The following ARHGAP21 variants were observed in gnomAD, a reference collection of about 807,000 sequenced individuals.
ARHGAP21 encodes the protein rho GTPase-activating protein 21.
Under a neutral mutation model 164.6 loss-of-function variants are expected in ARHGAP21, and 38 were observed. That is an observed-to-expected ratio of 0.23 (90% CI 0.18 to 0.30). ARHGAP21 has a LOEUF of 0.30. ARHGAP21 is among the 10% of genes least tolerant of loss of function. ARHGAP21 has a pLI of 1.00. For synonymous variants in ARHGAP21, 766 were observed against 857.9 expected (o/e 0.89, Z 1.87); for missense variants, 1,822 against 2,370.7 (o/e 0.77, Z 4.81).
intron 2 of ARHGAP21, among the ~76,000 whole-genome samples, chr10:24,714,641 A>T (rs893577104): frequency 6.6e-6 from 1 of 152,244 alleles, no homozygotes; most frequent in African/African-American, 2.4e-5. Flanking sequence ...ATTCAGGTGT[A>T]TGAAGAAACA....
intron 4 of ARHGAP21, among the ~76,000 whole-genome samples, chr10:24,636,178 G>C (rs1836364148): frequency 6.6e-6 from 1 of 152,180 alleles, no homozygotes; most frequent in Admixed American, 6.5e-5. Context: ...ATTAAATTTT[G>C]AGAACAACTA....
chr10:24,666,672 C>A (rs565489814), intron 4 of ARHGAP21, among the ~76,000 whole-genome samples: 2 of 152,252 alleles, frequency 1.3e-5, no homozygotes, highest in South Asian at 2.1e-4. Flanking sequence ...AAAATAATCA[C>A]CTCATCTAGA....
chr10:24,695,050 C>CAAAAAAAAAAAAAAAAAAAAAAAAAAA (rs570457905), intron 2 of ARHGAP21, among the ~76,000 whole-genome samples: 3 of 78,504 alleles, frequency 3.8e-5, no homozygotes, highest in Non-Finnish European at 7.1e-5. Flanking sequence ...AATTCCATCT[C>CAAAAAAAAAAAAAAAAAAAAAAAAAAA]AAAAAAAAAA....
intron 4 of ARHGAP21, among the ~76,000 whole-genome samples, chr10:24,666,312 G>A (rs1244116886): frequency 2.0e-5 from 3 of 152,196 alleles, no homozygotes; most frequent in Admixed American, 6.5e-5. Context: ...TTACAGGCGT[G>A]AGCGACTGCG....
In ARHGAP21 at chr10:24,667,010, C is replaced by T; in HGVS notation, c.244-1G>A. On this transcript the variant is annotated splice_acceptor_variant, in intron 3 of 25. Coordinates refer to ENST00000396432, the MANE Select transcript of ARHGAP21 (RefSeq NM_020824.4). LOFTEE classifies it high-confidence loss of function. ...CTCCTCTGTTTCCATTTTCTTCATC[C>T]TACAAATGAAAATATATATATACAT... 7.2e-7 allele frequency: 1 copy of T among 1,389,168 alleles called. No homozygotes were observed. Among genetic ancestry groups the T allele is most frequent in the Non-Finnish European group, 9.9e-7 (1 of 1,007,948 alleles). 86.1% of individuals were successfully genotyped at this position (1,389,168 alleles called of 1,614,324 possible).
In ARHGAP21 at chr10:24,620,713, C is replaced by A; in HGVS notation, c.1182G>T (p.Glu394Asp). 1 of 1,614,200 alleles carries A rather than the reference C, an allele frequency of 6.2e-7. No individual in the cohort carries two copies. The highest frequency in any genetic ancestry group is 1.1e-5 in the South Asian group (1 of 91,090). Residue 394 changes from glutamate to aspartate, a missense_variant, in exon 9 of 26, where the codon GAG becomes GAT. By Grantham distance (45) the Glu-to-Asp change is conservative. This residue lies in a region of ARHGAP21 where 1,090 missense variants were observed against 1,378.9 expected (regional missense o/e 0.79). Coordinates refer to ENST00000396432, the MANE Select transcript of ARHGAP21 (RefSeq NM_020824.4). The stretch of plus-strand genomic sequence containing the variant: ...TGTGCAATCGTCTGTTATCAATATA[C>A]TCTTTGTAAGTTTTATAGTTTTTCC... ...IDWKNYKTYK[E>D]YIDNRRLHIG...
intron 7 of ARHGAP21, 50 bp from the exon 8 acceptor site, chr10:24,622,812 C>A: frequency 6.4e-7 from 1 of 1,560,562 alleles, no homozygotes; most frequent in Non-Finnish European, 8.7e-7. Context: ...GATATAAAGA[C>A]AAAATCATGT....
At chr10:24,673,214 T>G (rs1332610709) in intron 2 of ARHGAP21, among the ~76,000 whole-genome samples, 1 of 152,202 alleles carries the variant, frequency 6.6e-6, no homozygotes, top group East Asian at 1.9e-4. Flanking sequence ...CACTTTATAA[T>G]GCAAAGAACC....
chr10:24,605,960 T>A (rs1286491826), intron 11 of ARHGAP21, among the ~76,000 whole-genome samples: 1 of 152,094 alleles, frequency 6.6e-6, no homozygotes, highest in East Asian at 1.9e-4. Context: ...TAAATACATA[T>A]GACTTAGTAT....
At position 24,585,475 on chromosome 10, in the gene ARHGAP21, C is replaced by T. The variant is rs1479787076; in HGVS notation, c.4814G>A (p.Ser1605Asn). The change falls in exon 26 of 26, where the codon AGC becomes AAC. Residue 1605 changes from serine to asparagine, a missense_variant. Physicochemically the swap from Ser to Asn is conservative, Grantham distance 46 (BLOSUM62 1). Transcript: ENST00000396432. ...CTCTGCCACGGATTGCACCTCAGGGCTCAGTCGACTGGAGTCCAGGCTAGT... is the reference window on the plus strand; with the variant it reads ...CTCTGCCACGGATTGCACCTCAGGGTTCAGTCGACTGGAGTCCAGGCTAGT... ...YLTSLDSSRLSPEVQSVAESK... is the reference protein window; with the variant it reads ...YLTSLDSSRLNPEVQSVAESK... 4.3e-6 allele frequency: 7 copies of T among 1,614,000 alleles called. No individual in the cohort carries two copies. The highest frequency in any genetic ancestry group is 1.7e-5 in the Admixed American group (1 of 60,004).
At chr10:24,635,233 G>A (rs761849133) in intron 4 of ARHGAP21, 130 bp from the exon 5 acceptor site, 38 of 545,252 alleles carry the variant, frequency 7.0e-5, no homozygotes, top group Admixed American at 1.5e-4. Flanking sequence ...CCTGAATTTG[G>A]ATGCTAAAAT....
At chr10:24,659,759 C>T (rs1421160652) in intron 4 of ARHGAP21, among the ~76,000 whole-genome samples, 1 of 152,226 alleles carries the variant, frequency 6.6e-6, no homozygotes, top group Non-Finnish European at 1.5e-5. Context: ...CTGCCTTGGC[C>T]TCCCAAAGTG....
At position 24,622,013 on chromosome 10, in the gene ARHGAP21, G is replaced by A. The variant is rs146181728; in HGVS notation, c.526-644C>T. On this transcript the variant is annotated intron_variant, in intron 8 of 25. Coordinates refer to ENST00000396432, the MANE Select transcript of ARHGAP21 (RefSeq NM_020824.4). ...AAAACATGAAAAAAGGTAACTCATC[G>A]TTCTGTATATAATTTATATTTTTAT... 8.9e-3 allele frequency among the ~76,000 whole-genome samples: 1,360 copies of A among 152,098 alleles called. 16 individuals carry two copies. Among genetic ancestry groups the A allele is most frequent in the African/African-American group, 0.031 (1,272 of 41,506 alleles).
At position 24,620,810 on chromosome 10, in the gene ARHGAP21, C is replaced by T. The variant is rs766665526; in HGVS notation, c.1085G>A (p.Arg362Lys). 2 of 1,614,148 alleles carry T rather than the reference C, an allele frequency of 1.2e-6. No homozygotes were observed. Among genetic ancestry groups the T allele is most frequent in the Admixed American group, 3.3e-5 (2 of 60,026 alleles). The change falls in exon 9 of 26, where the codon AGA becomes AAA. Residue 362 changes from arginine (R) to lysine (K), a missense_variant. Around this residue, in one of 5 missense-constraint regions of ARHGAP21, gnomAD observed 1,090 missense variants for 1,378.9 expected, o/e 0.79. Coordinates refer to ENST00000396432, the MANE Select transcript of ARHGAP21 (RefSeq NM_020824.4). ...AGAGGGAGCCTCCACAGCTTGAGAT[C>T]TGCTGCTTGAGATTCCATCAGAATG... Reference protein sequence around the residue: ...SGHSDGISSSRSQAVEAPSVS... With the variant: ...SGHSDGISSSKSQAVEAPSVS...
intron 4 of ARHGAP21, chr10:24,648,966 A>T: frequency 1.6e-6 from 1 of 611,826 alleles, no homozygotes; most frequent in Non-Finnish European, 2.0e-6. Flanking sequence ...ATATTTTGAA[A>T]TTAACTTGTT....
chr10:24,630,065 T>C lies in ARHGAP21; in HGVS notation c.441-15A>G, dbSNP rs1460543799. 6.9e-7 allele frequency: 1 copy of C among 1,445,966 alleles called. No individual in the cohort carries two copies. The allele number at this position is 1,445,966 out of a possible 1,614,324, so 89.6% of individuals were successfully genotyped here. A position where few individuals can be genotyped will look rare whatever the true frequency, so the allele number is the denominator to read the frequency against. On this transcript the variant is annotated splice_polypyrimidine_tract_variant and intron_variant, in intron 6 of 25. Transcript: ENST00000396432. ...ATGTTGTATCACTGAAATTGAATTATATACTATTTTAGGAGAGGTAGAAGT... is the reference window on the plus strand; with the variant it reads ...ATGTTGTATCACTGAAATTGAATTACATACTATTTTAGGAGAGGTAGAAGT...
chr10:24,671,779 G>A (rs1217536559), intron 2 of ARHGAP21, among the ~76,000 whole-genome samples: 1 of 148,826 alleles, frequency 6.7e-6, no homozygotes, highest in Non-Finnish European at 1.5e-5. Context: ...CTGGAGTGCA[G>A]TGCCATGATC....
intron 9 of ARHGAP21, among the ~76,000 whole-genome samples, chr10:24,608,889 ATTC>A (rs2077142694): frequency 6.6e-6 from 1 of 151,796 alleles, no homozygotes; most frequent in African/African-American, 2.4e-5. Flanking sequence ...GAATGCAGTA[ATTC>A]TTTTTCCAAA....
intron 14 of ARHGAP21, 55 bp downstream of exon 14, chr10:24,600,591 G>A: frequency 6.4e-7 from 1 of 1,557,088 alleles, no homozygotes; most frequent in Non-Finnish European, 8.7e-7. Context: ...TTAGATCTTT[G>A]TAAGAAAGTG....
Sources: allele counts gnomAD v4.1 joint callset (sites outside exome capture counted in the v4.1 genomes callset), GRCh38; gene constraint gnomAD v4.1.1; regional missense constraint gnomAD v4.1.1; transcripts MANE v1.5; gene names NCBI Gene and HGNC (gene_info 2026-07-23, HGNC 2026-07-21).